CCDC13: variants seen among roughly 807,000 people sequenced by gnomAD.
CCDC13 encodes coiled-coil domain containing 13.
A neutral mutation model predicts 87.3 loss-of-function variants in CCDC13; 70 were observed. That is an observed-to-expected ratio of 0.80 (90% confidence interval 0.66 to 0.98). The LOEUF (loss-of-function observed/expected upper bound fraction) is 0.98. Ranked by LOEUF, CCDC13 falls within the 50% of genes least tolerant of loss-of-function variation. The pLI, the probability that CCDC13 is intolerant of heterozygous loss-of-function variation, is 0.00. For synonymous variants in CCDC13, 317 were observed against 360.3 expected, an observed-to-expected ratio of 0.88 and a Z score of 1.36; for missense variants, 842 against 892.0, an observed-to-expected ratio of 0.94 and a Z score of 0.71.
intron 5 of CCDC13, chr3:42,749,990 T>A (rs1435089633): frequency 1.3e-5 from 6 of 455,888 alleles, no homozygotes; most frequent in Non-Finnish European, 2.6e-5. Flanking sequence ...TTGCTCTCGC[T>A]CTGATCAGGA....
At chr3:42,721,338 G>A (rs1698556247) in intron 13 of CCDC13, among the ~76,000 whole-genome samples, 1 of 152,122 alleles carries the variant, frequency 6.6e-6, no homozygotes, top group South Asian at 2.1e-4. Flanking sequence ...AGATGTTCTT[G>A]AATGCAAGTT....
intron 7 of CCDC13, chr3:42,744,828 A>AAT (rs1559652585): frequency 3.3e-5 from 5 of 151,940 alleles, no homozygotes; most frequent in Non-Finnish European, 4.4e-5. Context: ...AAAAAAAAAA[A>AAT]AGAATTTGAC....
intron 13 of CCDC13, among the ~76,000 whole-genome samples, chr3:42,716,644 C>G (rs1698436864): frequency 6.6e-6 from 1 of 152,138 alleles, no homozygotes; most frequent in Non-Finnish European, 1.5e-5. Flanking sequence ...AGAGATATCA[C>G]TTCAAACCTA....
chr3:42,705,811 G>T lies in CCDC13; in HGVS notation c.*3169C>A, dbSNP rs1270352035. Reference sequence around the variant, plus strand: ...GCCCACCTAAGTTAGGTTTCTCAGGGTCCCTATCTTTGACCCCTTTGATGA... The same window carrying T: ...GCCCACCTAAGTTAGGTTTCTCAGGTTCCCTATCTTTGACCCCTTTGATGA... On this transcript the variant is annotated 3_prime_UTR_variant, in exon 16 of 16. Coordinates refer to ENST00000310232, the MANE Select transcript of CCDC13 (RefSeq NM_144719.4). Among the ~76,000 whole-genome samples the T allele has an allele frequency of 6.6e-6, 1 of 152,144 alleles. No homozygotes were observed. The highest frequency in any genetic ancestry group is 1.5e-5 in the Non-Finnish European group (1 of 68,030).
Position 42,747,365 on chromosome 3 carries a change from G to T in CCDC13, c.612C>A (p.Thr204=), listed in dbSNP as rs147988923. The T allele has an allele frequency of 2.8e-4, 456 of 1,612,802 alleles. 1 individual carries two copies. Among genetic ancestry groups the T allele is most frequent in the Non-Finnish European group, 3.5e-4 (414 of 1,179,032 alleles). The change falls in exon 6 of 16, where the codon ACC becomes ACA. Residue 204 remains threonine (T), a synonymous_variant. Coordinates refer to ENST00000310232, the MANE Select transcript of CCDC13 (RefSeq NM_144719.4). ...AQMGDRALLE[T]PEVKALQDRL... is the part of the protein sequence containing the mutation. ...TGTCCTGCAGGGCCTTCACCTCTGG[G>T]GTCTCCAGCTGGTTGGGAAGGACAG... is the stretch of plus-strand genomic sequence containing the variant.
intron 3 of CCDC13, among the ~76,000 whole-genome samples, chr3:42,753,979 C>T (rs1699646619): frequency 6.6e-6 from 1 of 152,256 alleles, no homozygotes; most frequent in South Asian, 2.1e-4. Flanking sequence ...GCATCGTCAT[C>T]GACTAGGTGG....
intron 9 of CCDC13, among the ~76,000 whole-genome samples, chr3:42,738,489 A>T (rs1699104639): frequency 1.3e-5 from 2 of 152,290 alleles, no homozygotes; most frequent in South Asian, 4.1e-4. Flanking sequence ...TGAATCTATA[A>T]ATTACTTTGG....
At chr3:42,750,579 T>C (rs1359198645) in intron 5 of CCDC13, among the ~76,000 whole-genome samples, 2 of 152,230 alleles carry the variant, frequency 1.3e-5, no homozygotes, top group Admixed American at 6.5e-5. Context: ...GCGATTCTCA[T>C]GCCTCAGCCT....
chr3:42,714,918 T>C (rs894280005), intron 13 of CCDC13, among the ~76,000 whole-genome samples: 2 of 152,196 alleles, frequency 1.3e-5, no homozygotes, highest in Admixed American at 6.5e-5. Context: ...ATTCATACTA[T>C]AGAACGTGAT....
rs1453118587 is a variant in CCDC13, at chr3:42,707,912, T to C, written c.*1068A>G. ...TTGGGGCCACTCCTTCCTGTAGCTATAAGTGCATAGTTACAGCTGAGAAAG... is the reference window on the plus strand; with the variant it reads ...TTGGGGCCACTCCTTCCTGTAGCTACAAGTGCATAGTTACAGCTGAGAAAG... On this transcript the variant is annotated 3_prime_UTR_variant, in exon 16 of 16. Transcript: ENST00000310232. Among the ~76,000 whole-genome samples, 1 of 152,184 alleles carries C rather than the reference T, an allele frequency of 6.6e-6. No homozygotes were observed. Among genetic ancestry groups the C allele is most frequent in the African/African-American group, 2.4e-5 (1 of 41,444 alleles).
chr3:42,743,153 C>A, intron 7 of CCDC13, 96 bp from the exon 8 acceptor site: 1 of 1,399,408 alleles, frequency 7.1e-7, no homozygotes. Flanking sequence ...GAAGATGGAA[C>A]CACCTCTCTA....
intron 13 of CCDC13, among the ~76,000 whole-genome samples, chr3:42,728,165 A>T (rs56978598): frequency 0.19 from 28,633 of 152,298 alleles, 2,804 homozygotes; most frequent in South Asian, 0.25. Flanking sequence ...CACACTGGAT[A>T]CAAGACTTGA....
At chr3:42,767,448 CAAAT>C (rs1699952640) in intron 1 of CCDC13, among the ~76,000 whole-genome samples, 2 of 152,120 alleles carry the variant, frequency 1.3e-5, no homozygotes, top group South Asian at 2.1e-4. Flanking sequence ...AAGAACTAAA[CAAAT>C]AGTTATCTCA....
At chr3:42,731,938 TC>T (rs1195848440) in intron 12 of CCDC13, among the ~76,000 whole-genome samples, 2 of 152,146 alleles carry the variant, frequency 1.3e-5, no homozygotes, top group African/African-American at 4.8e-5. Flanking sequence ...ACAGAGCAGC[TC>T]CTGTATTTCT....
chr3:42,739,558 A>G, intron 9 of CCDC13, 76 bp downstream of exon 9: 2 of 1,503,908 alleles, frequency 1.3e-6, no homozygotes, highest in Non-Finnish European at 1.8e-6. Flanking sequence ...GTGAGGGCTC[A>G]CTCTGGCCAT....
At chr3:42,727,410 A>G (rs2125879046) in intron 13 of CCDC13, among the ~76,000 whole-genome samples, 1 of 152,056 alleles carries the variant, frequency 6.6e-6, no homozygotes, top group South Asian at 2.1e-4. Flanking sequence ...AATAAATAAA[A>G]TAAAAATAAA....
rs534567456 is a variant in CCDC13 at position 42,753,494 on chromosome 3, T to G, written c.371-777A>C. Among the ~76,000 whole-genome samples, 20 of 152,148 alleles carry G rather than the reference T, an allele frequency of 1.3e-4. No individual in the cohort carries two copies. The East Asian group carries it at 3.7e-3, about 28-fold the overall frequency. On this transcript the variant is annotated intron_variant, in intron 3 of 15. Transcript: ENST00000310232. The stretch of plus-strand genomic sequence containing the variant: ...CCTCTTGGTGTTAGGGATTCAGTGG[T>G]GGATAAAAAAGACTTATGGGGTTTA...
intron 13 of CCDC13, among the ~76,000 whole-genome samples, chr3:42,730,062 T>C (rs1300170642): frequency 1.3e-5 from 2 of 152,284 alleles, no homozygotes; most frequent in East Asian, 1.9e-4. Flanking sequence ...AGCACCTCTC[T>C]TGTTCTTTCC....
intron 14 of CCDC13, among the ~76,000 whole-genome samples, chr3:42,712,180 A>T (rs1341731163): frequency 1.3e-5 from 2 of 151,928 alleles, no homozygotes; most frequent in Non-Finnish European, 2.9e-5. Context: ...CAAGGGTCTG[A>T]CCATCCTTGG....
Sources: allele counts gnomAD v4.1 joint callset (sites outside exome capture counted in the v4.1 genomes callset), GRCh38; gene constraint gnomAD v4.1.1; transcripts MANE v1.5; gene names NCBI Gene and HGNC (gene_info 2026-07-23, HGNC 2026-07-21).